The following DLG2 variants were observed in gnomAD, a reference collection of about 807,000 sequenced individuals.
DLG2 encodes discs large MAGUK scaffold protein 2, also known as disks large homolog 2.
A neutral mutation model predicts 132.5 loss-of-function variants in DLG2; 45 were observed. That is an observed-to-expected ratio of 0.34 (90% CI 0.27 to 0.44). The LOEUF (loss-of-function observed/expected upper bound fraction) is 0.44, where lower values mean the gene tolerates loss of function less well. Among genes scored for constraint, DLG2 ranks in the 20% least tolerant of loss-of-function variants. The pLI is 1.00. For missense variants in DLG2, 1,045 were observed against 1,196.9 expected, an observed-to-expected ratio of 0.87 and a Z score of 1.87; for synonymous variants, 424 against 419.6, an observed-to-expected ratio of 1.01 and a Z score of -0.13.
chr11:83,515,409 C>A (rs2095256232), intron 21 of DLG2, among the ~76,000 whole-genome samples: 1 of 151,814 alleles, frequency 6.6e-6, no homozygotes, highest in Non-Finnish European at 1.5e-5. Context: ...CTATTTGATT[C>A]TTCTCTCTTT....
chr11:84,979,879 T>G (rs924709858), intron 6 of DLG2, among the ~76,000 whole-genome samples: 4 of 151,994 alleles, frequency 2.6e-5, no homozygotes, highest in East Asian at 1.9e-4. Context: ...CATACAAGTA[T>G]GTGTTTACTT....
At chr11:84,437,491 A>T (rs2099004355) in intron 7 of DLG2, 1 of 152,080 alleles carries the variant, frequency 6.6e-6, no homozygotes, top group Non-Finnish European at 1.5e-5. Context: ...AGGAATTCAC[A>T]ATGAAGCTGC....
rs532424515 is a variant in DLG2 at position 84,213,810 on chromosome 11, C to G, written c.573+37428G>C. 3.2e-3 allele frequency among the ~76,000 whole-genome samples: 432 copies of G among 133,366 alleles called. 4 individuals carry two copies. The highest frequency in any genetic ancestry group is 0.012 in the African/African-American group (390 of 33,636). 87.5% of individuals were successfully genotyped at this position (133,366 alleles called of 152,430 possible). On this transcript the variant is annotated intron_variant, in intron 8 of 27. Coordinates refer to ENST00000376104, the MANE Select transcript of DLG2 (RefSeq NM_001142699.3). Reference sequence around the variant, plus strand: ...CTCCAGCCTGGGTGACAGAGCGAGACTCCGTCTCAAAAAAAAAAAAAAAAA... The same window carrying G: ...CTCCAGCCTGGGTGACAGAGCGAGAGTCCGTCTCAAAAAAAAAAAAAAAAA...
At chr11:84,163,719 T>C (rs1385561763) in intron 8 of DLG2, among the ~76,000 whole-genome samples, 1 of 152,198 alleles carries the variant, frequency 6.6e-6, no homozygotes, top group Non-Finnish European at 1.5e-5. Flanking sequence ...CAAAAAATAC[T>C]CAAAGATTAT....
At chr11:84,884,475 T>A (rs887526035) in intron 6 of DLG2, among the ~76,000 whole-genome samples, 2 of 152,134 alleles carry the variant, frequency 1.3e-5, no homozygotes, top group Non-Finnish European at 2.9e-5. Flanking sequence ...TGCAGAAGCA[T>A]CCTCAGATCT....
intron 8 of DLG2, among the ~76,000 whole-genome samples, chr11:84,194,977 C>T (rs907703400): frequency 6.6e-6 from 1 of 152,202 alleles, no homozygotes; most frequent in African/African-American, 2.4e-5. Flanking sequence ...CCCTCCACAC[C>T]TCCCTGCAAG....
chr11:85,368,745 G>A (rs1045908613), intron 3 of DLG2, among the ~76,000 whole-genome samples: 1 of 152,206 alleles, frequency 6.6e-6, no homozygotes, highest in African/African-American at 2.4e-5. Flanking sequence ...GGTCACACCT[G>A]TTTCCCAAAG....
chr11:85,622,379 C>A lies in DLG2; in HGVS notation c.-93+4208G>T, dbSNP rs144256223. Among the ~76,000 whole-genome samples, 130 of 152,024 alleles carry A rather than the reference C, an allele frequency of 8.6e-4. 1 individual carries two copies. Among genetic ancestry groups the A allele is most frequent in the African/African-American group, 3.0e-3 (126 of 41,478 alleles). On this transcript the variant is annotated intron_variant, in intron 2 of 27. Coordinates refer to ENST00000376104, the MANE Select transcript of DLG2 (RefSeq NM_001142699.3). ...TTATTTCAGTGGTCTGGAACCTAACCCGCAATATCTCTGAGATATACCTGT... is the reference window on the plus strand; with the variant it reads ...TTATTTCAGTGGTCTGGAACCTAACACGCAATATCTCTGAGATATACCTGT...
chr11:85,551,391 T>C (rs2153220440), intron 3 of DLG2, among the ~76,000 whole-genome samples: 1 of 152,258 alleles, frequency 6.6e-6, no homozygotes, highest in South Asian at 2.1e-4. Context: ...TTTCTAGTCA[T>C]GATTAGCCCA....
At chr11:83,795,284 T>C (rs1026195792) in intron 17 of DLG2, among the ~76,000 whole-genome samples, 6 of 152,172 alleles carry the variant, frequency 3.9e-5, no homozygotes, top group African/African-American at 1.4e-4. Context: ...GGCAGTCACC[T>C]GTAGTCCCAG....
chr11:85,242,793 C>T (rs2152680385), intron 4 of DLG2, among the ~76,000 whole-genome samples: 1 of 152,022 alleles, frequency 6.6e-6, no homozygotes, highest in African/African-American at 2.4e-5. Flanking sequence ...GTCTTTCTAA[C>T]ACCTGTGATC....
intron 3 of DLG2, among the ~76,000 whole-genome samples, chr11:85,487,431 A>C (rs2093453947): frequency 6.6e-6 from 1 of 151,600 alleles, no homozygotes; most frequent in African/African-American, 2.4e-5. Flanking sequence ...AAAAAAAAAA[A>C]AAAACCTCAG....
At chr11:84,669,458 C>T (rs896264549) in intron 6 of DLG2, among the ~76,000 whole-genome samples, 10 of 152,178 alleles carry the variant, frequency 6.6e-5, no homozygotes, top group Admixed American at 2.0e-4. Context: ...CCAAAGTGAA[C>T]GCACTACTAT....
chr11:84,237,387 G>A (rs2097172088), intron 8 of DLG2, among the ~76,000 whole-genome samples: 1 of 152,122 alleles, frequency 6.6e-6, no homozygotes, highest in South Asian at 2.1e-4. Context: ...TGATTATAAT[G>A]CGCTATTGTT....
chr11:85,427,168 A>C (rs1262120889), intron 3 of DLG2, among the ~76,000 whole-genome samples: 1 of 152,218 alleles, frequency 6.6e-6, no homozygotes, highest in African/African-American at 2.4e-5. Context: ...CCTGAAAGTG[A>C]AAGGGAGAAT....
chr11:84,982,271 A>G (rs1323852199), intron 6 of DLG2, among the ~76,000 whole-genome samples: 1 of 152,110 alleles, frequency 6.6e-6, no homozygotes, highest in Non-Finnish European at 1.5e-5. Context: ...TAACATCTCT[A>G]CTTAGCTATC....
intron 3 of DLG2, among the ~76,000 whole-genome samples, chr11:85,544,854 T>C (rs1420517424): frequency 1.3e-5 from 2 of 152,234 alleles, no homozygotes; most frequent in African/African-American, 2.4e-5. Flanking sequence ...AATCAAACTT[T>C]GCTGAAGTTG....
At chr11:85,355,867 C>T (rs1007822868) in intron 3 of DLG2, among the ~76,000 whole-genome samples, 1 of 152,096 alleles carries the variant, frequency 6.6e-6, no homozygotes, top group Admixed American at 6.6e-5. Flanking sequence ...CCTCTAAAAA[C>T]AAAATTGCTC....
chr11:84,093,137 T>G (rs1243836042), intron 10 of DLG2, among the ~76,000 whole-genome samples: 1 of 152,150 alleles, frequency 6.6e-6, no homozygotes, highest in African/African-American at 2.4e-5. Flanking sequence ...TATTGGTGTA[T>G]GTCATAAGTC....
Sources: allele counts gnomAD v4.1 joint callset (sites outside exome capture counted in the v4.1 genomes callset), GRCh38; gene constraint gnomAD v4.1.1; transcripts MANE v1.5; gene names NCBI Gene and HGNC (gene_info 2026-07-23, HGNC 2026-07-21).